Variants in PCDH17 observed in about 807,000 individuals in gnomAD.
PCDH17 encodes the protein protocadherin-17.
In PCDH17, 21 loss-of-function variants were observed where a neutral mutation model predicts 67.7. The ratio of observed to expected loss-of-function variants is 0.31; its 90% CI spans 0.22 to 0.45. The LOEUF (loss-of-function observed/expected upper bound fraction) is 0.45. PCDH17 is among the 20% of genes least tolerant of loss of function. PCDH17 has a pLI of 1.00. For synonymous variants in PCDH17, 701 were observed against 656.7 expected (o/e 1.07, Z -1.03); for missense variants, 1,471 against 1,564.8 (o/e 0.94, Z 1.01).
intron 3 of PCDH17, among the ~76,000 whole-genome samples, chr13:57,691,433 A>T (rs530036376): frequency 1.3e-5 from 2 of 151,320 alleles, no homozygotes; most frequent in African/African-American, 4.8e-5. Flanking sequence ...AATTTTTTTT[A>T]AATGATGGGA....
rs548775000 is a variant in PCDH17 at position 57,689,106 on chromosome 13, T to C, written c.2797+22273T>C. Among the ~76,000 whole-genome samples the C allele has an allele frequency of 2.6e-5, 4 of 152,190 alleles. No individual in the cohort carries two copies. In the East Asian group the frequency reaches 5.8e-4, roughly 22 times the overall value. On this transcript the variant is annotated intron_variant, in intron 3 of 3. Coordinates refer to ENST00000377918, the MANE Select transcript of PCDH17 (RefSeq NM_001040429.3). ...TTGCTGTTGCTGATGATAAAGATGA[T>C]GATAATGTGTTAATTAAAAATATTT...
intron 3 of PCDH17, among the ~76,000 whole-genome samples, chr13:57,720,059 T>C (rs1033365388): frequency 2.0e-5 from 3 of 152,030 alleles, no homozygotes; most frequent in African/African-American, 7.2e-5. Flanking sequence ...TAATTTGATG[T>C]TTTTATCTAA....
At chr13:57,650,726 G>A (rs896650671) in intron 1 of PCDH17, among the ~76,000 whole-genome samples, 8 of 152,018 alleles carry the variant, frequency 5.3e-5, no homozygotes, top group Non-Finnish European at 8.8e-5. Context: ...TGTATAGTAA[G>A]AAGTCATTAC....
chr13:57,661,680 A>G (rs1031632307), intron 1 of PCDH17, among the ~76,000 whole-genome samples: 5 of 152,108 alleles, frequency 3.3e-5, no homozygotes, highest in South Asian at 2.1e-4. Flanking sequence ...CTAATGTGTA[A>G]GGTATAGATC....
intron 3 of PCDH17, among the ~76,000 whole-genome samples, chr13:57,676,006 T>C (rs1239055661): frequency 6.6e-6 from 1 of 151,974 alleles, no homozygotes; most frequent in Non-Finnish European, 1.5e-5. Context: ...GATTGCTTAG[T>C]ATTTTACTTG....
intron 1 of PCDH17, among the ~76,000 whole-genome samples, chr13:57,637,469 A>G (rs1954838167): frequency 6.6e-6 from 1 of 151,970 alleles, no homozygotes; most frequent in East Asian, 1.9e-4. Context: ...TGTCGCAAAC[A>G]CACTGTGCTA....
chr13:57,700,487 T>A (rs1216772748), intron 3 of PCDH17, among the ~76,000 whole-genome samples: 4 of 151,922 alleles, frequency 2.6e-5, no homozygotes, highest in Non-Finnish European at 4.4e-5. Context: ...CCCAGCTAAT[T>A]TTTGTATTTT....
intron 1 of PCDH17, among the ~76,000 whole-genome samples, chr13:57,639,012 T>C (rs911773371): frequency 1.2e-4 from 18 of 151,988 alleles, no homozygotes; most frequent in Non-Finnish European, 2.4e-4. Flanking sequence ...TTTGGAGATA[T>C]TTTGCTATGA....
chr13:57,648,639 A>T (rs1954997195), intron 1 of PCDH17, among the ~76,000 whole-genome samples: 1 of 152,016 alleles, frequency 6.6e-6, no homozygotes, highest in Non-Finnish European at 1.5e-5. Flanking sequence ...AACTTCATTA[A>T]CATTTCTGTT....
intron 3 of PCDH17, among the ~76,000 whole-genome samples, chr13:57,680,804 T>C (rs1401079282): frequency 2.0e-5 from 3 of 151,706 alleles, no homozygotes; most frequent in Non-Finnish European, 4.4e-5. Context: ...ATAAGAAATA[T>C]TGTGCAATAT....
intron 3 of PCDH17, among the ~76,000 whole-genome samples, chr13:57,709,142 A>G (rs1955750078): frequency 6.6e-6 from 1 of 151,314 alleles, no homozygotes; most frequent in African/African-American, 2.4e-5. Context: ...TGCTAAAGTC[A>G]GTACATTCTT....
chr13:57,639,422 A>C (rs1954863825), intron 1 of PCDH17, among the ~76,000 whole-genome samples: 1 of 151,828 alleles, frequency 6.6e-6, no homozygotes, highest in South Asian at 2.1e-4. Context: ...CATTTATGAA[A>C]ATTTTAGCTC....
intron 3 of PCDH17, among the ~76,000 whole-genome samples, chr13:57,671,127 C>T (rs1473317857): frequency 4.6e-5 from 7 of 151,800 alleles, no homozygotes; most frequent in Non-Finnish European, 1.0e-4. Context: ...CCATACCCCC[C>T]TTTCATCCTT....
Position 57,724,594 on chromosome 13 carries a change from T to G in PCDH17, c.2798-18T>G, listed in dbSNP as rs770078043. 11 of 1,591,676 alleles carry G rather than the reference T, an allele frequency of 6.9e-6. No individual in the cohort carries two copies. In the East Asian group the frequency reaches 2.5e-4, roughly 36 times the overall value. On this transcript the variant is annotated intron_variant, in intron 3 of 3. Coordinates refer to ENST00000377918, the MANE Select transcript of PCDH17 (RefSeq NM_001040429.3). ...AACTCTAATGATTGGATTTGCTGTT[T>G]TCTCTTTTGTTTTGCAGAACCAGAA...
rs199911680 is a variant in PCDH17 at position 57,724,950 on chromosome 13, C to A, written c.3136C>A (p.Pro1046Thr). 1.1e-5 allele frequency: 17 copies of A among 1,614,058 alleles called. No individual in the cohort carries two copies. Among genetic ancestry groups the A allele is most frequent in the South Asian group, 2.2e-5 (2 of 91,088 alleles). Reference protein sequence around the residue: ...SSSPTKACIEPCTSTKGSLDG... With the variant: ...SSSPTKACIETCTSTKGSLDG... ...CAGCCCAACCAAGGCGTGCATCGAG[C>A]CTTGCACCTCAACAAAAGGCTCCCT... is the stretch of plus-strand genomic sequence containing the variant. The change falls in exon 4 of 4, where the codon CCT becomes ACT. Residue 1046 changes from proline to threonine, a missense_variant. Pro to Thr is a conservative substitution (Grantham distance 38). Around this residue, in one of 3 missense-constraint regions of PCDH17, gnomAD observed 297 missense variants for 298.6 expected, o/e 0.99. Transcript: ENST00000377918.
At chr13:57,702,713 C>T (rs1046453981) in intron 3 of PCDH17, among the ~76,000 whole-genome samples, 2 of 152,152 alleles carry the variant, frequency 1.3e-5, no homozygotes, top group Admixed American at 6.5e-5. Flanking sequence ...AAGAGCTCAG[C>T]AGTATGACAC....
chr13:57,728,100 G>A lies in PCDH17; in HGVS notation c.*2806G>A, dbSNP rs1210056362. The stretch of plus-strand genomic sequence containing the variant: ...TTTAGTAGTGATTATTTATTTACAA[G>A]TTGGTGGTAATTCAGCAGTCAGGAC... On this transcript the variant is annotated 3_prime_UTR_variant, in exon 4 of 4. Coordinates refer to ENST00000377918, the MANE Select transcript of PCDH17 (RefSeq NM_001040429.3). 1 of 152,508 alleles carries A rather than the reference G, an allele frequency of 6.6e-6. No individual in the cohort carries two copies. Among genetic ancestry groups the A allele is most frequent in the Admixed American group, 6.6e-5 (1 of 15,258 alleles). The allele number at this position is 152,508 out of a possible 1,614,324, so 9.4% of individuals were successfully genotyped here.
At position 57,725,625 on chromosome 13, in the gene PCDH17, C is replaced by A; in HGVS notation, c.*331C>A. The A allele has an allele frequency of 4.2e-6, 1 of 238,426 alleles. No individual in the cohort carries two copies. Among genetic ancestry groups the A allele is most frequent in the East Asian group, 9.6e-5 (1 of 10,378 alleles). 14.8% of individuals were successfully genotyped at this position (238,426 alleles called of 1,614,324 possible). On this transcript the variant is annotated 3_prime_UTR_variant, in exon 4 of 4. Transcript: ENST00000377918. ...TTTGACAATCTGTTAGGAAGGTATG[C>A]AGTGTGAGAACTGAAGTATTTCTGA...
At chr13:57,692,617 A>G (rs1955569428) in intron 3 of PCDH17, among the ~76,000 whole-genome samples, 1 of 151,256 alleles carries the variant, frequency 6.6e-6, no homozygotes, top group Non-Finnish European at 1.5e-5. Context: ...TGGCCATGTG[A>G]AAAGAAGATG....
Sources: gnomAD v4.1 joint callset for allele counts (sites outside exome capture counted in the v4.1 genomes callset) on GRCh38, gnomAD v4.1.1 for gene constraint, gnomAD v4.1.1 regional missense constraint, MANE v1.5 for transcripts, NCBI Gene and HGNC (gene_info 2026-07-23, HGNC 2026-07-21) for gene names.